NALCN: variants seen among roughly 807,000 people sequenced by gnomAD.
NALCN encodes the protein sodium leak channel NALCN.
A neutral mutation model predicts 225.3 loss-of-function variants in NALCN; 111 were observed. That is an observed-to-expected ratio of 0.49 (90% CI 0.42 to 0.58). The LOEUF (loss-of-function observed/expected upper bound fraction) is 0.58, where lower values mean the gene tolerates loss of function less well. NALCN is among the 20% of genes least tolerant of loss of function. The pLI is 0.00. For synonymous variants in NALCN, 764 were observed against 769.0 expected, an observed-to-expected ratio of 0.99 and a Z score of 0.11; for missense variants, 1,378 against 2,202.4, an observed-to-expected ratio of 0.63 and a Z score of 7.49.
intron 13 of NALCN, among the ~76,000 whole-genome samples, chr13:101,219,392 A>T (rs1433572677): frequency 2.0e-5 from 3 of 152,148 alleles, no homozygotes; most frequent in East Asian, 1.9e-4. Context: ...GCTGAGCCTC[A>T]CCCAGTATGT....
At chr13:101,073,253 G>A (rs767583000) in intron 37 of NALCN, among the ~76,000 whole-genome samples, 5 of 152,124 alleles carry the variant, frequency 3.3e-5, no homozygotes, top group Admixed American at 1.3e-4. Flanking sequence ...CTGAGGGGCA[G>A]TGAACTATCC....
At chr13:101,203,396 T>C (rs2040201113) in intron 13 of NALCN, among the ~76,000 whole-genome samples, 2 of 152,286 alleles carry the variant, frequency 1.3e-5, no homozygotes, top group Admixed American at 1.3e-4. Flanking sequence ...TTGTATTTTT[T>C]AGTAGAGACG....
In NALCN at chr13:101,157,647, C is replaced by A. The variant is rs564216833; in HGVS notation, c.1840-12751G>T. 6.6e-5 allele frequency among the ~76,000 whole-genome samples: 10 copies of A among 152,260 alleles called. No homozygotes were observed. The South Asian group carries it at 2.1e-3, about 32-fold the overall frequency. On this transcript the variant is annotated intron_variant, in intron 15 of 43. Transcript: ENST00000251127. The stretch of plus-strand genomic sequence containing the variant: ...GTCAACTTTGGTTATTAAAAATTTA[C>A]TTCAGTGCAGTCTAGTCTCATATCT...
At chr13:101,269,036 A>T (rs2042687288) in intron 10 of NALCN, among the ~76,000 whole-genome samples, 1 of 152,190 alleles carries the variant, frequency 6.6e-6, no homozygotes, top group African/African-American at 2.4e-5. Context: ...GCATGACTTC[A>T]TTATTGACTT....
At chr13:101,185,902 T>C (rs190656634) in intron 14 of NALCN, among the ~76,000 whole-genome samples, 288 of 152,334 alleles carry the variant, frequency 1.9e-3, no homozygotes, top group Non-Finnish European at 3.2e-3. Context: ...ACTTTTTTTT[T>C]CCCTTCTCAC....
intron 11 of NALCN, among the ~76,000 whole-genome samples, chr13:101,248,570 A>T (rs2041970148): frequency 6.6e-6 from 1 of 152,176 alleles, no homozygotes. Flanking sequence ...TCCAGCGATC[A>T]TGCCTACCTA....
chr13:101,218,565 C>G (rs909426939), intron 13 of NALCN, among the ~76,000 whole-genome samples: 1 of 152,024 alleles, frequency 6.6e-6, no homozygotes, highest in Non-Finnish European at 1.5e-5. Context: ...TTGTAATCCC[C>G]AATATTGGAG....
chr13:101,167,449 T>C (rs1486234744), intron 15 of NALCN, among the ~76,000 whole-genome samples: 1 of 152,238 alleles, frequency 6.6e-6, no homozygotes, highest in African/African-American at 2.4e-5. Context: ...ACTTATGATA[T>C]TTTCAAGTTA....
intron 13 of NALCN, among the ~76,000 whole-genome samples, chr13:101,208,447 C>G (rs886208503): frequency 6.6e-6 from 1 of 152,228 alleles, no homozygotes; most frequent in African/African-American, 2.4e-5. Flanking sequence ...GACCAAGAAC[C>G]CAACAATTCC....
Position 101,297,588 on chromosome 13 carries a change from G to T in NALCN, c.800-5222C>A, listed in dbSNP as rs56212208. Among the ~76,000 whole-genome samples, 686 of 152,314 alleles carry T rather than the reference G, an allele frequency of 4.5e-3. 3 individuals carry two copies. The highest frequency in any genetic ancestry group is 0.016 in the African/African-American group (659 of 41,562). On this transcript the variant is annotated intron_variant, in intron 7 of 43. Coordinates refer to ENST00000251127, the MANE Select transcript of NALCN (RefSeq NM_052867.4). Reference sequence around the variant, plus strand: ...ATTCACTGGATGCTGCCAGGCTTCAGTCCCTTTGGGAACCTCTCTTGGGCT... The same window carrying T: ...ATTCACTGGATGCTGCCAGGCTTCATTCCCTTTGGGAACCTCTCTTGGGCT...
chr13:101,100,800 G>A lies in NALCN; in HGVS notation c.3146C>T (p.Pro1049Leu). The change falls in exon 27 of 44, where the codon CCC (proline) becomes CTC (leucine). Residue 1049 changes from proline to leucine, a missense_variant. Coordinates refer to ENST00000251127, the MANE Select transcript of NALCN (RefSeq NM_052867.4). Reference sequence around the variant, plus strand: ...ACATCTTACCCTTCTAATAATGTTGGGATCATTGCACTTGGCCAGTTTTCC... The same window carrying A: ...ACATCTTACCCTTCTAATAATGTTGAGATCATTGCACTTGGCCAGTTTTCC... ...FAGKLAKCND[P>L]NIIRREDCNG... 1 of 1,607,534 alleles carries A rather than the reference G, an allele frequency of 6.2e-7. No homozygotes were observed. Among genetic ancestry groups the A allele is most frequent in the Non-Finnish European group, 8.5e-7 (1 of 1,176,650 alleles).
intron 18 of NALCN, among the ~76,000 whole-genome samples, chr13:101,118,409 G>A (rs776274599): frequency 7.9e-5 from 12 of 151,900 alleles, no homozygotes; most frequent in Non-Finnish European, 1.5e-4. Flanking sequence ...CGCAAATCAG[G>A]TACTATCTAA....
intron 11 of NALCN, among the ~76,000 whole-genome samples, chr13:101,255,095 A>G (rs1387957448): frequency 6.6e-6 from 1 of 152,016 alleles, no homozygotes; most frequent in Non-Finnish European, 1.5e-5. Context: ...TGGACACATA[A>G]TATATACTGA....
chr13:101,252,801 A>G (rs931498873), intron 11 of NALCN, among the ~76,000 whole-genome samples: 2 of 152,194 alleles, frequency 1.3e-5, no homozygotes, highest in Admixed American at 1.3e-4. Context: ...AGGGGGTGAC[A>G]CAGAGCTAAC....
chr13:101,155,015 C>T (rs1181429255), intron 15 of NALCN, among the ~76,000 whole-genome samples: 1 of 152,144 alleles, frequency 6.6e-6, no homozygotes, highest in East Asian at 1.9e-4. Flanking sequence ...CAGAAAGCTA[C>T]ACAGATGTAC....
chr13:101,128,470 T>G (rs1423658573), intron 17 of NALCN, among the ~76,000 whole-genome samples: 1 of 152,198 alleles, frequency 6.6e-6, no homozygotes, highest in South Asian at 2.1e-4. Flanking sequence ...TTTGGCGATG[T>G]CTTCTAATTA....
intron 15 of NALCN, among the ~76,000 whole-genome samples, chr13:101,161,359 G>A (rs1199424279): frequency 6.6e-6 from 1 of 152,114 alleles, no homozygotes; most frequent in Non-Finnish European, 1.5e-5. Flanking sequence ...CCCCAAATAC[G>A]GTTGTATGCT....
chr13:101,159,987 T>C (rs544385578), intron 15 of NALCN, among the ~76,000 whole-genome samples: 5 of 149,034 alleles, frequency 3.4e-5, no homozygotes, highest in East Asian at 2.0e-4. Flanking sequence ...CGGAGTCTCA[T>C]TCTGTCGCCC....
At chr13:101,252,642 C>G (rs1343102750) in intron 11 of NALCN, among the ~76,000 whole-genome samples, 1 of 152,126 alleles carries the variant, frequency 6.6e-6, no homozygotes, top group Non-Finnish European at 1.5e-5. Flanking sequence ...GTATGTAGCA[C>G]AGAGTCCTAG....
Sources: gnomAD v4.1 joint callset for allele counts (sites outside exome capture counted in the v4.1 genomes callset) on GRCh38, gnomAD v4.1.1 for gene constraint, MANE v1.5 for transcripts, NCBI Gene and HGNC (gene_info 2026-07-23, HGNC 2026-07-21) for gene names.